The following KAZN variants were observed in gnomAD, a reference collection of about 807,000 sequenced individuals.
The protein encoded by KAZN is kazrin.
KAZN carries 40 observed loss-of-function variants against 87.4 expected under a neutral mutation model. The ratio of observed to expected loss-of-function variants is 0.46; its 90% CI spans 0.36 to 0.60. KAZN has a LOEUF of 0.60. KAZN is among the 20% of genes least tolerant of loss of function. The pLI is 0.00. For synonymous variants in KAZN, 466 were observed against 458.3 expected (o/e 1.02, Z -0.22); for missense variants, 898 against 1,073.9 (o/e 0.84, Z 2.29).
At chr1:14,112,385 T>C (rs2101676361) in intron 1 of KAZN, among the ~76,000 whole-genome samples, 1 of 78,562 alleles carries the variant, frequency 1.3e-5, no homozygotes, top group Non-Finnish European at 2.6e-5. Flanking sequence ...CCACCGTTAC[T>C]TGGGTGAGGA....
chr1:14,533,669 C>G (rs1672331923), intron 2 of KAZN, among the ~76,000 whole-genome samples: 1 of 152,170 alleles, frequency 6.6e-6, no homozygotes, highest in Non-Finnish European at 1.5e-5. Context: ...GCTTGCCCCC[C>G]ACCCACCCCA....
chr1:14,139,135 C>G (rs1645176598), intron 1 of KAZN, among the ~76,000 whole-genome samples: 1 of 152,210 alleles, frequency 6.6e-6, no homozygotes, highest in Non-Finnish European at 1.5e-5. Context: ...GCTACCACTT[C>G]CCAAATACAG....
Position 14,089,090 on chromosome 1 carries a change from C to A in KAZN, c.92-91345C>A, listed in dbSNP as rs540068728. On this transcript the variant is annotated intron_variant, in intron 1 of 16. Coordinates refer to the KAZN transcript ENST00000636203. ...AAAGATTTCCATATTCCCTCTGCACCCACACATGCATAACCTCCCTTTAAT... is the reference window on the plus strand; with the variant it reads ...AAAGATTTCCATATTCCCTCTGCACACACACATGCATAACCTCCCTTTAAT... 3.3e-5 allele frequency among the ~76,000 whole-genome samples: 5 copies of A among 151,878 alleles called. No individual in the cohort carries two copies. In the South Asian group the frequency reaches 1.0e-3, roughly 32 times the overall value.
intron 1 of KAZN, among the ~76,000 whole-genome samples, chr1:14,760,381 G>A (rs745329595): frequency 2.0e-5 from 3 of 152,172 alleles, no homozygotes; most frequent in Admixed American, 1.3e-4. Flanking sequence ...GTTGAAGTGC[G>A]TTATCTCTTT....
chr1:14,980,933 C>T (rs1395584215), intron 2 of KAZN, among the ~76,000 whole-genome samples: 6 of 152,082 alleles, frequency 3.9e-5, no homozygotes. Flanking sequence ...CAGTGTGAGC[C>T]CCTGCAAGAG....
At chr1:14,940,114 C>T (rs538089262) in intron 1 of KAZN, among the ~76,000 whole-genome samples, 2 of 152,288 alleles carry the variant, frequency 1.3e-5, no homozygotes, top group South Asian at 4.2e-4. Flanking sequence ...AGTCAGCTGC[C>T]TCTGTAAGAG....
intron 2 of KAZN, among the ~76,000 whole-genome samples, chr1:14,438,277 TG>T (rs1666513313): frequency 1.3e-5 from 2 of 152,282 alleles, no homozygotes; most frequent in African/African-American, 4.8e-5. Context: ...TTCCCAATGC[TG>T]GGGATATGTC....
At chr1:14,812,546 C>T (rs1557515872) in intron 1 of KAZN, among the ~76,000 whole-genome samples, 3 of 152,182 alleles carry the variant, frequency 2.0e-5, no homozygotes, top group Admixed American at 2.0e-4. Context: ...TAGAGTCTTG[C>T]TCTATCATCC....
At chr1:14,128,553 CT>C (rs1305772855) in intron 1 of KAZN, among the ~76,000 whole-genome samples, 1 of 152,156 alleles carries the variant, frequency 6.6e-6, no homozygotes, top group Non-Finnish European at 1.5e-5. Context: ...CTGTGTACCC[CT>C]GTGGTCTCTT....
At chr1:14,975,581 A>C (rs923582317) in intron 2 of KAZN, among the ~76,000 whole-genome samples, 2 of 152,180 alleles carry the variant, frequency 1.3e-5, no homozygotes, top group Non-Finnish European at 1.5e-5. Flanking sequence ...TAATTAATAA[A>C]GTTTTTATAT....
chr1:14,013,273 C>T (rs1408005076), intron 1 of KAZN, among the ~76,000 whole-genome samples: 1 of 152,132 alleles, frequency 6.6e-6, no homozygotes, highest in Non-Finnish European at 1.5e-5. Flanking sequence ...CTATTTTTAT[C>T]AAATATGCAG....
intron 1 of KAZN, among the ~76,000 whole-genome samples, chr1:14,109,688 A>G (rs1329482095): frequency 6.6e-6 from 1 of 152,190 alleles, no homozygotes; most frequent in East Asian, 1.9e-4. Flanking sequence ...GCCCAGCGTG[A>G]ACCTGAGGGT....
intron 1 of KAZN, among the ~76,000 whole-genome samples, chr1:13,961,185 G>A (rs909314371): frequency 3.3e-5 from 5 of 152,034 alleles, no homozygotes; most frequent in Admixed American, 2.0e-4. Context: ...TGGGGTTCGC[G>A]TGTGTGTGGA....
chr1:14,376,273 C>T (rs1430573366), intron 2 of KAZN, among the ~76,000 whole-genome samples: 1 of 152,118 alleles, frequency 6.6e-6, no homozygotes, highest in Non-Finnish European at 1.5e-5. Context: ...TTGAATATGT[C>T]CCCCAAAGTT....
chr1:14,349,704 G>A (rs140740900), intron 2 of KAZN, among the ~76,000 whole-genome samples: 353 of 152,262 alleles, frequency 2.3e-3, no homozygotes, highest in African/African-American at 8.1e-3. Flanking sequence ...AGCAAGGTAC[G>A]TTCAGGGTTA....
At position 14,993,753 on chromosome 1, in the gene KAZN, C is replaced by T. The variant is rs79580995; in HGVS notation, c.418+32878C>T. 3.8e-4 allele frequency among the ~76,000 whole-genome samples: 58 copies of T among 152,268 alleles called. No individual in the cohort carries two copies. The East Asian group carries it at 8.9e-3, about 23-fold the overall frequency. ...CCATCCTGGGTGCTCTTGATGTGTT[C>T]GTTGAGTCTTATGAGAGAGGGGTCA... On this transcript the variant is annotated intron_variant, in intron 2 of 14. Coordinates refer to ENST00000376030, the MANE Select transcript of KAZN (RefSeq NM_201628.3).
intron 1 of KAZN, chr1:14,924,250 CG>C (rs1336521369): frequency 1.0e-6 from 1 of 981,370 alleles, no homozygotes; most frequent in Non-Finnish European, 1.2e-6. Flanking sequence ...GGGCGGGAGG[CG>C]GGGGCGGGCT....
At chr1:14,416,985 T>G (rs1664828873) in intron 2 of KAZN, among the ~76,000 whole-genome samples, 2 of 131,816 alleles carry the variant, frequency 1.5e-5, no homozygotes, top group African/African-American at 5.6e-5. Context: ...TATATGTGTA[T>G]ATATATGTGT....
At chr1:14,689,024 T>C (rs937374634) in intron 1 of KAZN, among the ~76,000 whole-genome samples, 9 of 151,952 alleles carry the variant, frequency 5.9e-5, no homozygotes, top group African/African-American at 2.2e-4. Context: ...CAAAACCCCA[T>C]CTCTACTAAA....
Sources: gnomAD v4.1 joint callset for allele counts (sites outside exome capture counted in the v4.1 genomes callset) on GRCh38, gnomAD v4.1.1 for gene constraint, MANE v1.5 for transcripts, NCBI Gene and HGNC (gene_info 2026-07-23, HGNC 2026-07-21) for gene names.